PDGFD: variants seen among roughly 807,000 people sequenced by gnomAD.
PDGFD encodes platelet-derived growth factor D.
PDGFD carries 30 observed loss-of-function variants against 44.7 expected under a neutral mutation model. The ratio of observed to expected loss-of-function variants is 0.67; its 90% CI spans 0.50 to 0.91. The LOEUF (loss-of-function observed/expected upper bound fraction) is 0.91, where lower values mean the gene tolerates loss of function less well. PDGFD is among the 40% of genes least tolerant of loss of function. The pLI, the probability that PDGFD is intolerant of heterozygous loss-of-function variation, is 0.00. For missense variants in PDGFD, 445 were observed against 457.8 expected (o/e 0.97, Z 0.25); for synonymous variants, 173 against 168.4 (o/e 1.03, Z -0.21).
intron 1 of PDGFD, 79 bp from the exon 2 acceptor site, chr11:104,000,334 C>T: frequency 2.5e-6 from 3 of 1,195,442 alleles, no homozygotes; most frequent in Non-Finnish European, 3.7e-6. Flanking sequence ...CAGTTTACAA[C>T]ACATCATACT....
Position 104,075,087 on chromosome 11 carries a change from G to A in PDGFD, c.125-74832C>T, listed in dbSNP as rs1860937198. ...GACTGCCATCAAACTTTTTCCTAAT[G>A]ATCCAGGGTCATTATTCTGTAATGC... is the stretch of plus-strand genomic sequence containing the variant. On this transcript the variant is annotated intron_variant, in intron 1 of 6. Transcript: ENST00000393158. 2.0e-5 allele frequency among the ~76,000 whole-genome samples: 3 copies of A among 152,286 alleles called. No individual in the cohort carries two copies. The South Asian group carries it at 6.2e-4, about 32-fold the overall frequency.
intron 3 of PDGFD, among the ~76,000 whole-genome samples, chr11:103,983,797 C>T (rs1311587065): frequency 4.6e-5 from 7 of 151,532 alleles, no homozygotes; most frequent in East Asian, 1.9e-4. Context: ...TACATGTGGC[C>T]GACAATCACA....
intron 6 of PDGFD, among the ~76,000 whole-genome samples, chr11:103,913,180 CA>C (rs1858058385): frequency 6.7e-6 from 1 of 150,170 alleles, no homozygotes; most frequent in Non-Finnish European, 1.5e-5. Context: ...CTCCCCACCC[CA>C]AATCAACAGA....
At chr11:104,163,158 T>C (rs1390488809) in intron 1 of PDGFD, among the ~76,000 whole-genome samples, 2 of 152,072 alleles carry the variant, frequency 1.3e-5, no homozygotes, top group Non-Finnish European at 2.9e-5. Flanking sequence ...GCCCCTGTGG[T>C]ACTGATGAAA....
chr11:104,126,853 G>A (rs79894788), intron 1 of PDGFD, among the ~76,000 whole-genome samples: 1 of 150,934 alleles, frequency 6.6e-6, no homozygotes, highest in Non-Finnish European at 1.5e-5. Context: ...CTCCAATTTA[G>A]AAAAAAAAAT....
In PDGFD at chr11:104,140,044, G is replaced by A; in HGVS notation, c.124+23760C>T. 1.0e-4 allele frequency among the ~76,000 whole-genome samples: 2 copies of A among 20,018 alleles called. 1 individual carries two copies. Among genetic ancestry groups the A allele is most frequent in the Non-Finnish European group, 1.7e-4 (2 of 11,570 alleles). The allele number at this position is 20,018 out of a possible 152,430, so 13.1% of individuals were successfully genotyped here. ...CACTGCAGTCCGCAGTCTGGCCTGG[G>A]CGACAGAGCGAGACTCCGTCTCAAA... On this transcript the variant is annotated intron_variant, in intron 1 of 6. Transcript: ENST00000393158.
At chr11:103,914,482 A>G (rs1320499377) in intron 6 of PDGFD, among the ~76,000 whole-genome samples, 1 of 152,218 alleles carries the variant, frequency 6.6e-6, no homozygotes, top group Non-Finnish European at 1.5e-5. Context: ...AAAAAAGTCC[A>G]GGACCAGACG....
chr11:103,922,546 A>AT (rs1268026367), intron 6 of PDGFD, among the ~76,000 whole-genome samples: 4 of 131,690 alleles, frequency 3.0e-5, no homozygotes, highest in Non-Finnish European at 6.8e-5. Flanking sequence ...AGAAAGAAGA[A>AT]TTCCCCCCCG....
chr11:104,005,145 C>T (rs1241021349), intron 1 of PDGFD, among the ~76,000 whole-genome samples: 2 of 152,140 alleles, frequency 1.3e-5, no homozygotes, highest in Non-Finnish European at 2.9e-5. Context: ...TCCTAAAGTG[C>T]TGGGATTACA....
At chr11:103,916,916 A>G (rs1360264866) in intron 6 of PDGFD, among the ~76,000 whole-genome samples, 1 of 152,184 alleles carries the variant, frequency 6.6e-6, no homozygotes, top group Non-Finnish European at 1.5e-5. Flanking sequence ...GGAGGGGAAC[A>G]TCACACACCA....
chr11:103,934,357 C>G (rs1229550186), intron 5 of PDGFD, among the ~76,000 whole-genome samples: 1 of 152,122 alleles, frequency 6.6e-6, no homozygotes, highest in Non-Finnish European at 1.5e-5. Flanking sequence ...CTAGAAGGAG[C>G]TGAGATTCTG....
intron 6 of PDGFD, among the ~76,000 whole-genome samples, chr11:103,912,997 C>T (rs1311562904): frequency 6.6e-6 from 1 of 152,082 alleles, no homozygotes; most frequent in Non-Finnish European, 1.5e-5. Context: ...TTCTTAGAGA[C>T]CTACAAAGAG....
intron 1 of PDGFD, among the ~76,000 whole-genome samples, chr11:104,054,993 A>C (rs371666581): frequency 1.3e-3 from 199 of 152,364 alleles, no homozygotes; most frequent in African/African-American, 4.6e-3. Flanking sequence ...ACATTATGCA[A>C]GTAGCATCTG....
chr11:104,088,121 C>A (rs555465505), intron 1 of PDGFD, among the ~76,000 whole-genome samples: 95 of 152,318 alleles, frequency 6.2e-4, no homozygotes, highest in Non-Finnish European at 1.0e-3. Flanking sequence ...TGACTATACA[C>A]AAATGACTAT....
chr11:104,033,050 GT>G (rs1860154534), intron 1 of PDGFD, among the ~76,000 whole-genome samples: 1 of 33,712 alleles, frequency 3.0e-5, no homozygotes, highest in Non-Finnish European at 8.1e-5. Flanking sequence ...ATGTTTAGGG[GT>G]GTGTGTGTGT....
chr11:103,921,287 T>C (rs1048076516), intron 6 of PDGFD, among the ~76,000 whole-genome samples: 1 of 152,214 alleles, frequency 6.6e-6, no homozygotes, highest in Admixed American at 6.5e-5. Flanking sequence ...GGTATAATCA[T>C]GACCCAAAAA....
intron 1 of PDGFD, among the ~76,000 whole-genome samples, chr11:104,157,559 T>A (rs1862324450): frequency 6.6e-6 from 1 of 152,036 alleles, no homozygotes; most frequent in Non-Finnish European, 1.5e-5. Context: ...CTATCCCCCT[T>A]CTCCCTCTCA....
chr11:104,098,881 C>CA (rs1220565048), intron 1 of PDGFD, among the ~76,000 whole-genome samples: 1 of 152,052 alleles, frequency 6.6e-6, no homozygotes, highest in Non-Finnish European at 1.5e-5. Context: ...GGGCAAGCCA[C>CA]AAAAAATACA....
At chr11:104,080,246 G>T (rs1441383851) in intron 1 of PDGFD, among the ~76,000 whole-genome samples, 2 of 152,120 alleles carry the variant, frequency 1.3e-5, no homozygotes, top group East Asian at 3.9e-4. Context: ...TTTTAACACT[G>T]CAGTCTTTCA....
Sources: gnomAD v4.1 joint callset for allele counts (sites outside exome capture counted in the v4.1 genomes callset) on GRCh38, gnomAD v4.1.1 for gene constraint, MANE v1.5 for transcripts, NCBI Gene and HGNC (gene_info 2026-07-23, HGNC 2026-07-21) for gene names.